DLG2: variants seen among roughly 807,000 people sequenced by gnomAD.
DLG2 encodes the protein disks large homolog 2.
Under a neutral mutation model 132.5 loss-of-function variants are expected in DLG2, and 45 were observed. The observed-to-expected ratio is 0.34, with a 90% CI of 0.27 to 0.44. The LOEUF is 0.44. Among genes scored for constraint, DLG2 ranks in the 20% least tolerant of loss-of-function variants. The pLI, the probability that DLG2 is intolerant of heterozygous loss-of-function variation, is 1.00. For synonymous variants in DLG2, 424 were observed against 419.6 expected, an observed-to-expected ratio of 1.01 and a Z score of -0.13; for missense variants, 1,045 against 1,196.9, an observed-to-expected ratio of 0.87 and a Z score of 1.87.
intron 7 of DLG2, among the ~76,000 whole-genome samples, chr11:84,275,147 T>C (rs1798665698): frequency 6.6e-6 from 1 of 152,228 alleles, no homozygotes; most frequent in Non-Finnish European, 1.5e-5. Flanking sequence ...GTGAGGCTTT[T>C]CCAACCTCCT....
chr11:85,020,858 A>C, intron 6 of DLG2: 1 of 757,912 alleles, frequency 1.3e-6, no homozygotes, highest in South Asian at 1.3e-5. Context: ...CTTCATTGTC[A>C]TCATCCAGTA....
At chr11:84,433,029 T>C (rs933169009) in intron 7 of DLG2, among the ~76,000 whole-genome samples, 1 of 151,904 alleles carries the variant, frequency 6.6e-6, no homozygotes, top group Non-Finnish European at 1.5e-5. Flanking sequence ...GTCAAAAAAA[T>C]TCAAAAAAAG....
chr11:84,720,660 GTAAAATAAAAATAAAA>G (rs1001062208), intron 6 of DLG2, among the ~76,000 whole-genome samples: 1 of 151,950 alleles, frequency 6.6e-6, no homozygotes, highest in Non-Finnish European at 1.5e-5. Context: ...TTTGGGGGAG[GTAAAATAAAAATAAAA>G]TAAAATAAAA....
At chr11:85,557,469 C>T (rs898579339) in intron 3 of DLG2, among the ~76,000 whole-genome samples, 2 of 151,630 alleles carry the variant, frequency 1.3e-5, no homozygotes, top group African/African-American at 4.8e-5. Context: ...AAAATTCATA[C>T]AGAACCAAAA....
intron 6 of DLG2, among the ~76,000 whole-genome samples, chr11:84,753,953 A>G (rs2066514846): frequency 6.6e-6 from 1 of 152,232 alleles, no homozygotes; most frequent in African/African-American, 2.4e-5. Context: ...GATGAGAACT[A>G]AGAACCGACC....
chr11:84,957,115 A>G (rs1426949062), intron 6 of DLG2, among the ~76,000 whole-genome samples: 2 of 152,194 alleles, frequency 1.3e-5, no homozygotes, highest in Non-Finnish European at 2.9e-5. Context: ...AGATACAACT[A>G]TGATTTTCAT....
chr11:84,609,600 C>T (rs963472987), intron 6 of DLG2, among the ~76,000 whole-genome samples: 1 of 152,040 alleles, frequency 6.6e-6, no homozygotes, highest in African/African-American at 2.4e-5. Flanking sequence ...GATTAACACA[C>T]CTCTGCCATA....
chr11:84,078,517 C>T (rs748747621), intron 10 of DLG2, among the ~76,000 whole-genome samples: 9 of 151,934 alleles, frequency 5.9e-5, no homozygotes, highest in East Asian at 1.9e-4. Context: ...GAATTTAGGA[C>T]GGTTAAGACA....
chr11:84,063,755 C>T (rs7936419), intron 10 of DLG2, among the ~76,000 whole-genome samples: 120,269 of 151,464 alleles, frequency 0.79, 48,969 homozygotes, highest in Middle Eastern at 0.92. Context: ...AAATATGGCA[C>T]ATATACACCA....
intron 6 of DLG2, among the ~76,000 whole-genome samples, chr11:84,734,422 A>G (rs1433816489): frequency 4.6e-5 from 7 of 151,902 alleles, no homozygotes; most frequent in East Asian, 1.9e-4. Context: ...GTTCACTCAC[A>G]ATTTGGCTCT....
At chr11:84,235,998 G>A (rs1220347458) in intron 8 of DLG2, among the ~76,000 whole-genome samples, 1 of 149,840 alleles carries the variant, frequency 6.7e-6, no homozygotes, top group Non-Finnish European at 1.5e-5. Flanking sequence ...ACATTGTTCA[G>A]ATCATTTTCA....
intron 6 of DLG2, among the ~76,000 whole-genome samples, chr11:84,580,435 A>G (rs2099513678): frequency 6.6e-6 from 1 of 152,178 alleles, no homozygotes; most frequent in Non-Finnish European, 1.5e-5. Context: ...AACTCTTGAG[A>G]CGTGTGTTTG....
chr11:85,141,245 T>C (rs966784779), intron 5 of DLG2, among the ~76,000 whole-genome samples: 1 of 151,956 alleles, frequency 6.6e-6, no homozygotes, highest in Non-Finnish European at 1.5e-5. Flanking sequence ...TTCCTGCCTT[T>C]TGGATAAAAG....
intron 4 of DLG2, among the ~76,000 whole-genome samples, chr11:85,199,082 A>G (rs1235582133): frequency 6.6e-6 from 1 of 152,210 alleles, no homozygotes. Flanking sequence ...AAATGAAGTT[A>G]AAGCCTACAT....
At position 85,458,549 on chromosome 11, in the gene DLG2, T is replaced by C. The variant is rs140045013; in HGVS notation, c.40+140108A>G. ...TCGCACTGGTTCTTTTTCATCTGTG[T>C]TGGCTTGTGTTCTGATAACTGACGT... On this transcript the variant is annotated intron_variant, in intron 3 of 27. Coordinates refer to ENST00000376104, the MANE Select transcript of DLG2 (RefSeq NM_001142699.3). Among the ~76,000 whole-genome samples the C allele has an allele frequency of 4.2e-3, 633 of 152,350 alleles. 8 individuals carry two copies. Among genetic ancestry groups the C allele is most frequent in the African/African-American group, 0.013 (544 of 41,586 alleles).
intron 2 of DLG2, among the ~76,000 whole-genome samples, chr11:85,621,057 C>T (rs2081658275): frequency 6.6e-6 from 1 of 152,170 alleles, no homozygotes; most frequent in Non-Finnish European, 1.5e-5. Flanking sequence ...GAAGCCAATG[C>T]TCATTTACCC....
intron 6 of DLG2, among the ~76,000 whole-genome samples, chr11:85,072,661 T>A (rs1010036014): frequency 1.3e-5 from 2 of 151,836 alleles, no homozygotes; most frequent in South Asian, 4.1e-4. Flanking sequence ...AGAGGTTAAG[T>A]AATTTGTCCT....
chr11:85,180,246 A>T (rs527551130), intron 4 of DLG2, among the ~76,000 whole-genome samples: 1 of 152,002 alleles, frequency 6.6e-6, no homozygotes, highest in East Asian at 1.9e-4. Context: ...ACCAGAGAAC[A>T]GTTGTAATTA....
intron 3 of DLG2, among the ~76,000 whole-genome samples, chr11:85,316,877 G>C (rs1438350642): frequency 6.6e-6 from 1 of 152,038 alleles, no homozygotes; most frequent in East Asian, 1.9e-4. Context: ...CACCATCCTA[G>C]AATCTACAGT....
Sources: allele counts gnomAD v4.1 joint callset (sites outside exome capture counted in the v4.1 genomes callset), GRCh38; gene constraint gnomAD v4.1.1; transcripts MANE v1.5; gene names NCBI Gene and HGNC (gene_info 2026-07-23, HGNC 2026-07-21).